Variants in GALNT13 observed in about 807,000 individuals in gnomAD.
GALNT13 encodes polypeptide N-acetylgalactosaminyltransferase 13.
Under a neutral mutation model 64.2 loss-of-function variants are expected in GALNT13, and 28 were observed. That is an observed-to-expected ratio of 0.44 (90% confidence interval 0.32 to 0.60). The LOEUF (loss-of-function observed/expected upper bound fraction) is 0.60. Among genes scored for constraint, GALNT13 ranks in the 20% least tolerant of loss-of-function variants. The pLI is 0.05. For synonymous variants in GALNT13, 214 were observed against 224.6 expected (o/e 0.95, Z 0.42); for missense variants, 577 against 669.8 (o/e 0.86, Z 1.53).
chr2:153,862,983 T>G, the GALNT13 span, among the ~76,000 whole-genome samples: 11 of 152,140 alleles, frequency 7.2e-5, no homozygotes, highest in Non-Finnish European at 1.5e-4. Flanking sequence ...TTTCATTTAA[T>G]GTTGAGAAAA....
chr2:154,011,717 T>C (rs1696649683), intron 3 of GALNT13, among the ~76,000 whole-genome samples: 1 of 152,306 alleles, frequency 6.6e-6, no homozygotes, highest in African/African-American at 2.4e-5. Flanking sequence ...TTTGTAGGTC[T>C]CTAAAAACTT....
At chr2:153,226,414 A>G in the GALNT13 span, among the ~76,000 whole-genome samples, 1 of 152,194 alleles carries the variant, frequency 6.6e-6, no homozygotes, top group Non-Finnish European at 1.5e-5. Flanking sequence ...AAAAAAATGT[A>G]TAGAATTTTT....
At chr2:154,404,320 ATG>A (rs1699430892) in intron 10 of GALNT13, among the ~76,000 whole-genome samples, 1 of 151,972 alleles carries the variant, frequency 6.6e-6, no homozygotes, top group Non-Finnish European at 1.5e-5. Flanking sequence ...CAATGACATT[ATG>A]TGTGAATCTC....
the GALNT13 span, among the ~76,000 whole-genome samples, chr2:153,148,618 C>G: frequency 1.3e-5 from 2 of 151,192 alleles, no homozygotes; most frequent in Non-Finnish European, 3.0e-5. Flanking sequence ...AAATTGAGCT[C>G]TTTAGTAAGG....
chr2:153,181,739 T>C, the GALNT13 span, among the ~76,000 whole-genome samples: 12 of 145,532 alleles, frequency 8.2e-5, no homozygotes, highest in South Asian at 2.1e-4. Flanking sequence ...GAAATATAAA[T>C]TTATATACAT....
At chr2:153,455,548 T>C in the GALNT13 span, among the ~76,000 whole-genome samples, 1 of 152,112 alleles carries the variant, frequency 6.6e-6, no homozygotes, top group African/African-American at 2.4e-5. Flanking sequence ...AGGGAGCACA[T>C]AGGTGAGCGG....
At chr2:153,342,683 C>T in the GALNT13 span, among the ~76,000 whole-genome samples, 1 of 152,292 alleles carries the variant, frequency 6.6e-6, no homozygotes, top group East Asian at 1.9e-4. Context: ...TTTCTCCCTC[C>T]TCTTCCTGCT....
chr2:154,129,156 C>A (rs1682468141), intron 3 of GALNT13, among the ~76,000 whole-genome samples: 1 of 152,148 alleles, frequency 6.6e-6, no homozygotes, highest in Non-Finnish European at 1.5e-5. Context: ...ATATGTGCCT[C>A]ACCATCCTAA....
chr2:153,435,912 C>T, the GALNT13 span, among the ~76,000 whole-genome samples: 2 of 152,024 alleles, frequency 1.3e-5, no homozygotes, highest in African/African-American at 4.8e-5. Flanking sequence ...TGCCAGTTTT[C>T]AAAGGGAATG....
the GALNT13 span, among the ~76,000 whole-genome samples, chr2:153,537,399 G>C: frequency 6.6e-6 from 1 of 152,120 alleles, no homozygotes; most frequent in South Asian, 2.1e-4. Context: ...AAAGAAGAGG[G>C]CTCCAAGATG....
chr2:153,889,784 A>C (rs1440941329), intron 1 of GALNT13, among the ~76,000 whole-genome samples: 1 of 152,062 alleles, frequency 6.6e-6, no homozygotes, highest in Non-Finnish European at 1.5e-5. Flanking sequence ...TGATTTTGAG[A>C]TCTACATAGT....
At chr2:153,770,369 T>C in the GALNT13 span, among the ~76,000 whole-genome samples, 1 of 152,208 alleles carries the variant, frequency 6.6e-6, no homozygotes, top group Non-Finnish European at 1.5e-5. Flanking sequence ...TGGTTATAGA[T>C]AGCCCTTTCA....
At chr2:153,850,183 AAAAAAAGAAAAAG>A in the GALNT13 span, among the ~76,000 whole-genome samples, 8 of 131,320 alleles carry the variant, frequency 6.1e-5, no homozygotes, top group East Asian at 2.0e-4. Context: ...CGTCTAAAAA[AAAAAAAGAAAAAG>A]AAAAAGAAAA....
chr2:153,093,236 C>CTTTTTTTTTTT, the GALNT13 span, among the ~76,000 whole-genome samples: 12 of 129,010 alleles, frequency 9.3e-5, 1 homozygote, highest in Admixed American at 1.7e-4. Context: ...TTTTTCTTTT[C>CTTTTTTTTTTT]TTTTCTTTTT....
At chr2:154,253,164 G>A (rs188174098) in intron 7 of GALNT13, among the ~76,000 whole-genome samples, 1 of 152,258 alleles carries the variant, frequency 6.6e-6, no homozygotes, top group Admixed American at 6.5e-5. Context: ...CAGAGTTTAA[G>A]TGACTCAATG....
At chr2:154,438,818 TC>T in intron 12 of GALNT13, 92 bp downstream of exon 12, 2 of 1,027,900 alleles carry the variant, frequency 1.9e-6, no homozygotes, top group Non-Finnish European at 2.8e-6. Context: ...CTGGTTTTTA[TC>T]TACATTGGCA....
At chr2:154,306,623 G>GGT (rs1553512840) in intron 9 of GALNT13, among the ~76,000 whole-genome samples, 1 of 149,832 alleles carries the variant, frequency 6.7e-6, no homozygotes, top group African/African-American at 2.4e-5. Context: ...TTTGGTGGGG[G>GGT]GGGGGTCAAG....
the GALNT13 span, among the ~76,000 whole-genome samples, chr2:153,428,288 A>G: frequency 2.6e-5 from 4 of 152,170 alleles, no homozygotes; most frequent in Non-Finnish European, 4.4e-5. Context: ...AGGCCTAGGA[A>G]GGTTTTACTC....
intron 8 of GALNT13, among the ~76,000 whole-genome samples, chr2:154,298,526 A>AC (rs1693096210): frequency 1.1e-5 from 1 of 88,220 alleles, no homozygotes; most frequent in East Asian, 3.2e-4. Context: ...TATTATATAT[A>AC]AAATTGTATA....
Sources: allele counts gnomAD v4.1 joint callset (sites outside exome capture counted in the v4.1 genomes callset), GRCh38; gene constraint gnomAD v4.1.1; transcripts MANE v1.5; gene names NCBI Gene and HGNC (gene_info 2026-07-23, HGNC 2026-07-21).